BRINP2: variants seen among roughly 807,000 people sequenced by gnomAD.
The protein encoded by BRINP2 is BMP/retinoic acid inducible neural specific 2.
A neutral mutation model predicts 69.2 loss-of-function variants in BRINP2; 21 were observed. That is an observed-to-expected ratio of 0.30 (90% CI 0.22 to 0.44). BRINP2 has a LOEUF of 0.44. Ranked by LOEUF, BRINP2 falls within the 20% of genes least tolerant of loss-of-function variation. The probability of loss-of-function intolerance (pLI) is 1.00; values close to 1 mark genes in which losing one functional copy is unlikely to be tolerated. For synonymous variants in BRINP2, 380 were observed against 394.1 expected (o/e 0.96, Z 0.42); for missense variants, 877 against 986.0 (o/e 0.89, Z 1.48).
At chr1:177,263,122 T>A (rs1441419924) in intron 4 of BRINP2, among the ~76,000 whole-genome samples, 1 of 152,120 alleles carries the variant, frequency 6.6e-6, no homozygotes, top group Admixed American at 6.5e-5. Context: ...AAAAGAAGCC[T>A]TTGAGGATGC....
intron 2 of BRINP2, among the ~76,000 whole-genome samples, chr1:177,246,742 C>T (rs1390071339): frequency 6.6e-6 from 1 of 152,204 alleles, no homozygotes; most frequent in African/African-American, 2.4e-5. Context: ...CCCCCAATCT[C>T]TCAGGAAAGC....
Position 177,194,846 on chromosome 1 carries a change from C to T in BRINP2, c.-77+23114C>T, listed in dbSNP as rs185646229. On this transcript the variant is annotated intron_variant, in intron 1 of 7. Transcript: ENST00000361539. ...CCTGCATGGCCCAGTAGTCTCTGGTCCCCTTAAGACGCTCTGTACTTTCTC... is the reference window on the plus strand; with the variant it reads ...CCTGCATGGCCCAGTAGTCTCTGGTTCCCTTAAGACGCTCTGTACTTTCTC... 4.5e-3 allele frequency among the ~76,000 whole-genome samples: 689 copies of T among 152,184 alleles called. 6 individuals carry two copies. Among genetic ancestry groups the T allele is most frequent in the Non-Finnish European group, 6.4e-3 (434 of 68,010 alleles).
At chr1:177,201,095 A>C (rs1558157073) in intron 1 of BRINP2, among the ~76,000 whole-genome samples, 1 of 152,138 alleles carries the variant, frequency 6.6e-6, no homozygotes, top group Non-Finnish European at 1.5e-5. Flanking sequence ...TATGCTGCTC[A>C]AGTGATGGGT....
At chr1:177,181,169 A>C (rs1015207403) in intron 1 of BRINP2, among the ~76,000 whole-genome samples, 1 of 152,280 alleles carries the variant, frequency 6.6e-6, no homozygotes, top group Non-Finnish European at 1.5e-5. Context: ...CAAGTGTTGC[A>C]GGATGAATTA....
At chr1:177,217,098 T>TTTTC (rs1006841120) in intron 1 of BRINP2, among the ~76,000 whole-genome samples, 1 of 151,900 alleles carries the variant, frequency 6.6e-6, no homozygotes, top group Admixed American at 6.6e-5. Flanking sequence ...TTTATGGCCT[T>TTTTC]TTTCTTTCTT....
At chr1:177,194,857 G>T (rs1005395118) in intron 1 of BRINP2, among the ~76,000 whole-genome samples, 1 of 151,988 alleles carries the variant, frequency 6.6e-6, no homozygotes, top group African/African-American at 2.4e-5. Context: ...CCCTTAAGAC[G>T]CTCTGTACTT....
chr1:177,266,629 G>A lies in BRINP2; in HGVS notation c.670-6859G>A, dbSNP rs145132081. On this transcript the variant is annotated intron_variant, in intron 4 of 7. Coordinates refer to ENST00000361539, the MANE Select transcript of BRINP2 (RefSeq NM_021165.4). ...CAAAAAATTAGCCGGGCGTGGTGGC[G>A]GGCACCTGTAGTCCCAGCTACTCGG... 4.8e-4 allele frequency among the ~76,000 whole-genome samples: 73 copies of A among 151,104 alleles called. No individual in the cohort carries two copies. In the East Asian group the frequency reaches 0.013, roughly 27 times the overall value.
At chr1:177,175,293 G>A (rs564752337) in intron 1 of BRINP2, among the ~76,000 whole-genome samples, 1 of 152,080 alleles carries the variant, frequency 6.6e-6, no homozygotes, top group Non-Finnish European at 1.5e-5. Context: ...AGCGGGGTGG[G>A]GGGGGCAGGA....
intron 1 of BRINP2, among the ~76,000 whole-genome samples, chr1:177,203,405 C>A (rs1648978888): frequency 6.6e-6 from 1 of 151,920 alleles, no homozygotes; most frequent in Non-Finnish European, 1.5e-5. Flanking sequence ...GTGCAGCACA[C>A]CAACATGGCA....
intron 1 of BRINP2, among the ~76,000 whole-genome samples, chr1:177,222,696 TAA>T (rs999499043): frequency 7.9e-5 from 11 of 138,618 alleles, no homozygotes; most frequent in Admixed American, 7.3e-5. Context: ...ATTGTTATCT[TAA>T]AAAAAAAAAA....
intron 1 of BRINP2, among the ~76,000 whole-genome samples, chr1:177,187,037 GA>G (rs1263764422): frequency 2.0e-5 from 3 of 152,186 alleles, no homozygotes; most frequent in African/African-American, 7.2e-5. Flanking sequence ...CAACCACTTA[GA>G]AAAGGTATGA....
At chr1:177,183,154 T>C (rs1648313683) in intron 1 of BRINP2, among the ~76,000 whole-genome samples, 1 of 145,450 alleles carries the variant, frequency 6.9e-6, no homozygotes, top group Admixed American at 6.8e-5. Flanking sequence ...TTTTTTTTTT[T>C]TTTTTTTTCT....
At chr1:177,204,356 A>C (rs1228243441) in intron 1 of BRINP2, among the ~76,000 whole-genome samples, 3 of 152,048 alleles carry the variant, frequency 2.0e-5, no homozygotes, top group Non-Finnish European at 2.9e-5. Flanking sequence ...CCATGGATGG[A>C]GGTGAGGTCA....
Position 177,281,288 on chromosome 1 carries a change from G to A in BRINP2, c.2112G>A (p.Leu704=), listed in dbSNP as rs766901841. Reference sequence around the variant, plus strand: ...CTATCCGGGACTTAATTCTCCAGTTGGACTACCCATATACTCAAGGTTCCC... The same window carrying A: ...CTATCCGGGACTTAATTCTCCAGTTAGACTACCCATATACTCAAGGTTCCC... The part of the protein sequence containing the change: ...PDAIRDLILQ[L]DYPYTQGSQD... The change falls in exon 8 of 8, where the codon TTG becomes TTA. Residue 704 remains leucine (L), a synonymous_variant. Coordinates refer to ENST00000361539, the MANE Select transcript of BRINP2 (RefSeq NM_021165.4). 1.2e-6 allele frequency: 2 copies of A among 1,614,104 alleles called. No individual in the cohort carries two copies. The highest frequency in any genetic ancestry group is 3.3e-5 in the Admixed American group (2 of 60,028).
rs1406117227 is a variant in BRINP2 at position 177,282,018 on chromosome 1, T to G, written c.*490T>G. ...TAAAATGTTGTTGTTTTGTGAATCC[T>G]GACATTGGTTCTTACTTTTGTATGC... On this transcript the variant is annotated 3_prime_UTR_variant, in exon 8 of 8. Coordinates refer to ENST00000361539, the MANE Select transcript of BRINP2 (RefSeq NM_021165.4). The G allele has an allele frequency of 6.5e-6, 1 of 153,216 alleles. No individual in the cohort carries two copies. Among genetic ancestry groups the G allele is most frequent in the Non-Finnish European group, 1.5e-5 (1 of 68,470 alleles). 9.5% of individuals were successfully genotyped at this position (153,216 alleles called of 1,614,324 possible). A position where few individuals can be genotyped will look rare whatever the true frequency, so the allele number is the denominator to read the frequency against.
intron 1 of BRINP2, among the ~76,000 whole-genome samples, chr1:177,182,090 A>G (rs74518646): frequency 0.13 from 19,658 of 150,962 alleles, 2,420 homozygotes; most frequent in African/African-American, 0.32. Flanking sequence ...AACTAAGCTG[A>G]TTAGTCCTGG....
intron 2 of BRINP2, among the ~76,000 whole-genome samples, chr1:177,250,604 C>T (rs71628232): frequency 0.019 from 2,905 of 152,336 alleles, 43 homozygotes; most frequent in Middle Eastern, 0.038. Context: ...GGATTACAGG[C>T]ATGAACCACG....
intron 1 of BRINP2, among the ~76,000 whole-genome samples, chr1:177,205,735 CA>C (rs1169193698): frequency 6.6e-6 from 1 of 152,180 alleles, no homozygotes; most frequent in African/African-American, 2.4e-5. Flanking sequence ...ACTAACAGGT[CA>C]GTGTGAGCTC....
In BRINP2 at chr1:177,257,307, G is replaced by C; in HGVS notation, c.592G>C (p.Ala198Pro). Residue 198 changes from alanine (A) to proline (P), a missense_variant, in exon 4 of 8, where the codon GCC becomes CCC. Physicochemically the swap from Ala to Pro is conservative, Grantham distance 27 (BLOSUM62 -1). Transcript: ENST00000361539. ...AVSLETLHQL[A>P]ASYFIDREST... is the part of the protein sequence containing the mutation. The stretch of plus-strand genomic sequence containing the variant: ...GTCCCTGGAGACCCTGCACCAGCTG[G>C]CCGCCTCCTACTTCATCGACAGAGA... 6.2e-7 allele frequency: 1 copy of C among 1,614,064 alleles called. No individual in the cohort carries two copies.
Sources: gnomAD v4.1 joint callset for allele counts (sites outside exome capture counted in the v4.1 genomes callset) on GRCh38, gnomAD v4.1.1 for gene constraint, MANE v1.5 for transcripts, NCBI Gene and HGNC (gene_info 2026-07-23, HGNC 2026-07-21) for gene names.